The following RBFOX1 variants were observed in gnomAD, a reference collection of about 807,000 sequenced individuals.
The protein encoded by RBFOX1 is RNA binding fox-1 homolog 1, also known as RNA binding protein fox-1 homolog 1.
A neutral mutation model predicts 57.7 loss-of-function variants in RBFOX1; 8 were observed. The observed-to-expected ratio is 0.14, with a 90% CI of 0.08 to 0.25. RBFOX1 has a LOEUF of 0.25. Among genes scored for constraint, RBFOX1 ranks in the 10% least tolerant of loss-of-function variants. RBFOX1 has a pLI of 1.00. For missense variants in RBFOX1, 611 were observed against 548.5 expected (o/e 1.11, Z -1.14); for synonymous variants, 326 against 222.4 (o/e 1.47, Z -4.15).
chr16:7,077,180 C>A (rs1296359999), intron 4 of RBFOX1, among the ~76,000 whole-genome samples: 1 of 152,118 alleles, frequency 6.6e-6, no homozygotes, highest in African/African-American at 2.4e-5. Context: ...AGCGGTTTCC[C>A]AGCTGCGCAC....
chr16:6,817,515 G>A (rs2090341085), intron 3 of RBFOX1, among the ~76,000 whole-genome samples: 2 of 146,178 alleles, frequency 1.4e-5, no homozygotes, highest in Admixed American at 6.9e-5. Context: ...CCAGCATGGT[G>A]AAACCCTTTC....
At chr16:7,006,433 T>C (rs1265643617) in intron 3 of RBFOX1, among the ~76,000 whole-genome samples, 2 of 152,118 alleles carry the variant, frequency 1.3e-5, no homozygotes, top group East Asian at 1.9e-4. Flanking sequence ...GATTACAGGC[T>C]TGAGCCACTG....
At position 6,498,426 on chromosome 16, in the gene RBFOX1, A is replaced by T. The variant is rs11644135; in HGVS notation, c.-63-156177A>T. On this transcript the variant is annotated intron_variant, in intron 2 of 15. Coordinates refer to ENST00000550418, the MANE Select transcript of RBFOX1 (RefSeq NM_018723.4). Reference sequence around the variant, plus strand: ...CAATAATCAGGCTATCTGAAAGAGAAGACAGACCAGTTAGCTTCTAAATGC... The same window carrying T: ...CAATAATCAGGCTATCTGAAAGAGATGACAGACCAGTTAGCTTCTAAATGC... 5.3e-5 allele frequency among the ~76,000 whole-genome samples: 8 copies of T among 152,038 alleles called. No individual in the cohort carries two copies. In the South Asian group the frequency reaches 1.5e-3, roughly 28 times the overall value.
At chr16:5,759,873 A>G (rs1454657444) in intron 3 of RBFOX1, among the ~76,000 whole-genome samples, 2 of 152,130 alleles carry the variant, frequency 1.3e-5, no homozygotes, top group Non-Finnish European at 2.9e-5. Flanking sequence ...ATCTTGATCA[A>G]ACGGCCTTAA....
At chr16:7,181,005 A>G (rs549175154) in intron 4 of RBFOX1, among the ~76,000 whole-genome samples, 1 of 152,212 alleles carries the variant, frequency 6.6e-6, no homozygotes, top group Non-Finnish European at 1.5e-5. Flanking sequence ...TGCAAAAGCA[A>G]TGGAATGTTG....
intron 2 of RBFOX1, among the ~76,000 whole-genome samples, chr16:6,513,586 T>G (rs1170835960): frequency 6.6e-6 from 1 of 151,872 alleles, no homozygotes; most frequent in African/African-American, 2.4e-5. Context: ...ATACAAAAAT[T>G]AGCTGGGCAG....
At chr16:5,466,489 G>C (rs2068957828) in intron 1 of RBFOX1, among the ~76,000 whole-genome samples, 1 of 152,210 alleles carries the variant, frequency 6.6e-6, no homozygotes, top group Non-Finnish European at 1.5e-5. Flanking sequence ...TGAAATCAGA[G>C]AGTACTCACA....
chr16:5,331,626 A>C (rs1484465115), intron 1 of RBFOX1, among the ~76,000 whole-genome samples: 1 of 152,272 alleles, frequency 6.6e-6, no homozygotes, highest in African/African-American at 2.4e-5. Context: ...ATGGCCAAAC[A>C]AAAATCAAAG....
intron 2 of RBFOX1, among the ~76,000 whole-genome samples, chr16:6,514,355 T>C (rs1315981192): frequency 6.6e-6 from 1 of 152,152 alleles, no homozygotes; most frequent in African/African-American, 2.4e-5. Flanking sequence ...AGAGCTTCTG[T>C]GTCTTTCAGA....
intron 3 of RBFOX1, among the ~76,000 whole-genome samples, chr16:6,681,564 A>G (rs1031703857): frequency 6.6e-6 from 1 of 152,160 alleles, no homozygotes; most frequent in African/African-American, 2.4e-5. Flanking sequence ...TGAGAAAATA[A>G]AGTAACAATT....
intron 3 of RBFOX1, among the ~76,000 whole-genome samples, chr16:6,940,143 G>A (rs979916190): frequency 7.2e-5 from 11 of 152,086 alleles, no homozygotes; most frequent in Non-Finnish European, 1.5e-4. Flanking sequence ...AGTGAGCCAA[G>A]ATCACGCTGC....
chr16:5,630,139 C>A, intron 3 of RBFOX1, among the ~76,000 whole-genome samples: 1 of 152,156 alleles, frequency 6.6e-6, no homozygotes. Flanking sequence ...GTGCCTTCTG[C>A]AGGAGTAGAG....
At chr16:5,547,316 T>C (rs948513461) in intron 2 of RBFOX1, among the ~76,000 whole-genome samples, 3 of 152,212 alleles carry the variant, frequency 2.0e-5, no homozygotes, top group Non-Finnish European at 4.4e-5. Context: ...ACATTGATGG[T>C]GATTTTATTT....
chr16:7,018,290 T>C (rs1294627130), intron 3 of RBFOX1, among the ~76,000 whole-genome samples: 1 of 152,136 alleles, frequency 6.6e-6, no homozygotes, highest in Non-Finnish European at 1.5e-5. Context: ...ACTTCTAATA[T>C]TTTGGGCGAG....
At chr16:6,989,340 G>A (rs1469970338) in intron 3 of RBFOX1, among the ~76,000 whole-genome samples, 1 of 152,128 alleles carries the variant, frequency 6.6e-6, no homozygotes, top group Non-Finnish European at 1.5e-5. Flanking sequence ...CTGTCTATCT[G>A]TATCAGTCTG....
At chr16:7,545,823 A>G (rs998804210) in intron 5 of RBFOX1, among the ~76,000 whole-genome samples, 2 of 152,038 alleles carry the variant, frequency 1.3e-5, no homozygotes, top group African/African-American at 2.4e-5. Flanking sequence ...AATAACCATC[A>G]TCAAGTCACA....
chr16:6,666,267 C>G (rs1275117843), intron 3 of RBFOX1, among the ~76,000 whole-genome samples: 1 of 152,138 alleles, frequency 6.6e-6, no homozygotes, highest in East Asian at 1.9e-4. Context: ...GGCACAGTGG[C>G]TCATGCCTAT....
intron 2 of RBFOX1, among the ~76,000 whole-genome samples, chr16:5,502,052 A>G (rs117682254): frequency 0.04 from 5,741 of 144,732 alleles, 161 homozygotes; most frequent in Non-Finnish European, 0.064. Context: ...ATTATTATTA[A>G]TTGTTATGAT....
At chr16:5,429,200 A>G (rs2067655266) in intron 1 of RBFOX1, among the ~76,000 whole-genome samples, 1 of 152,164 alleles carries the variant, frequency 6.6e-6, no homozygotes, top group Non-Finnish European at 1.5e-5. Context: ...ATAATGATCT[A>G]TCCACAGTAA....
Sources: allele counts gnomAD v4.1 joint callset (sites outside exome capture counted in the v4.1 genomes callset), GRCh38; gene constraint gnomAD v4.1.1; transcripts MANE v1.5; gene names NCBI Gene and HGNC (gene_info 2026-07-23, HGNC 2026-07-21).